The following NRXN1 variants were observed in gnomAD, a reference collection of about 807,000 sequenced individuals.
NRXN1 encodes neurexin 1.
A neutral mutation model predicts 150.9 loss-of-function variants in NRXN1; 39 were observed. The ratio of observed to expected loss-of-function variants is 0.26; its 90% CI spans 0.20 to 0.34. The LOEUF is 0.34. NRXN1 is among the 10% of genes least tolerant of loss of function. NRXN1 has a pLI of 1.00. For synonymous variants in NRXN1, 924 were observed against 757.0 expected (o/e 1.22, Z -3.62); for missense variants, 1,815 against 1,949.9 (o/e 0.93, Z 1.30).
At chr2:50,901,812 T>C (rs1188317351) in intron 5 of NRXN1, among the ~76,000 whole-genome samples, 6 of 152,358 alleles carry the variant, frequency 3.9e-5, no homozygotes, top group Admixed American at 2.6e-4. Context: ...ATGTGAATTA[T>C]AGCAATAATG....
intron 5 of NRXN1, among the ~76,000 whole-genome samples, chr2:50,903,938 A>T (rs1340230132): frequency 6.6e-6 from 1 of 152,180 alleles, no homozygotes; most frequent in African/African-American, 2.4e-5. Context: ...GTTATCAAAT[A>T]TTTTAAAATA....
chr2:50,478,223 G>C (rs777704635), intron 15 of NRXN1, among the ~76,000 whole-genome samples: 1 of 152,094 alleles, frequency 6.6e-6, no homozygotes, highest in Non-Finnish European at 1.5e-5. Flanking sequence ...TGCTTTCTTA[G>C]TAGAAAGCCT....
At chr2:50,678,666 G>A (rs569612142) in intron 5 of NRXN1, among the ~76,000 whole-genome samples, 1 of 151,950 alleles carries the variant, frequency 6.6e-6, no homozygotes, top group Non-Finnish European at 1.5e-5. Flanking sequence ...TGATCATGTC[G>A]CCAAACTGAG....
chr2:50,792,236 A>C (rs1706150685), intron 5 of NRXN1, among the ~76,000 whole-genome samples: 1 of 152,138 alleles, frequency 6.6e-6, no homozygotes, highest in Non-Finnish European at 1.5e-5. Flanking sequence ...TTACAAAGTA[A>C]AGACATTGAA....
At chr2:50,030,233 A>C (rs1688994552) in intron 21 of NRXN1, among the ~76,000 whole-genome samples, 1 of 152,082 alleles carries the variant, frequency 6.6e-6, no homozygotes, top group Admixed American at 6.6e-5. Flanking sequence ...ACTTTAGAAA[A>C]CTTGCAATTA....
chr2:50,475,406 G>A (rs1433099660), intron 15 of NRXN1, among the ~76,000 whole-genome samples: 2 of 102,946 alleles, frequency 1.9e-5, no homozygotes, highest in Non-Finnish European at 4.5e-5. Flanking sequence ...AAAAAAAGAG[G>A]AAACAGTAAG....
chr2:50,060,602 T>C (rs983417792), intron 19 of NRXN1, among the ~76,000 whole-genome samples: 3 of 152,116 alleles, frequency 2.0e-5, no homozygotes, highest in African/African-American at 7.2e-5. Flanking sequence ...CCAAATCTCA[T>C]CTTGAATTCT....
At chr2:50,897,871 G>A (rs1239659460) in intron 5 of NRXN1, among the ~76,000 whole-genome samples, 2 of 152,138 alleles carry the variant, frequency 1.3e-5, no homozygotes, top group African/African-American at 4.8e-5. Flanking sequence ...TCATCAAAGT[G>A]TGCACTTTAA....
chr2:50,709,208 C>G (rs1694825207), intron 5 of NRXN1, among the ~76,000 whole-genome samples: 1 of 152,128 alleles, frequency 6.6e-6, no homozygotes, highest in African/African-American at 2.4e-5. Flanking sequence ...GATATTTGCA[C>G]ACATTTATTC....
chr2:50,706,027 T>A (rs1486523232), intron 5 of NRXN1, among the ~76,000 whole-genome samples: 1 of 152,160 alleles, frequency 6.6e-6, no homozygotes, highest in African/African-American at 2.4e-5. Flanking sequence ...AGTAGAACAG[T>A]GATTCACAAA....
intron 18 of NRXN1, 50 bp from the exon 19 acceptor site, chr2:50,091,544 A>G (rs1305148302): frequency 6.4e-7 from 1 of 1,574,684 alleles, no homozygotes; most frequent in African/African-American, 1.3e-5. Flanking sequence ...ACTAGTCACC[A>G]TTTAATAAAG....
At chr2:50,522,133 T>C (rs532106066) in intron 12 of NRXN1, among the ~76,000 whole-genome samples, 1 of 152,242 alleles carries the variant, frequency 6.6e-6, no homozygotes, top group South Asian at 2.1e-4. Context: ...AAGTGGGGTA[T>C]GTTTAGAAGC....
chr2:50,138,996 G>C (rs1218984427), intron 18 of NRXN1, among the ~76,000 whole-genome samples: 1 of 152,188 alleles, frequency 6.6e-6, no homozygotes, highest in African/African-American at 2.4e-5. Flanking sequence ...TTTTGTAAAT[G>C]TGTAATATTT....
At chr2:50,201,487 C>T (rs987877092) in intron 18 of NRXN1, among the ~76,000 whole-genome samples, 2 of 152,168 alleles carry the variant, frequency 1.3e-5, no homozygotes, top group East Asian at 1.9e-4. Flanking sequence ...TTTAAATCTA[C>T]GTAACATGAG....
At chr2:50,902,041 T>G (rs564914993) in intron 5 of NRXN1, among the ~76,000 whole-genome samples, 2 of 152,260 alleles carry the variant, frequency 1.3e-5, no homozygotes, top group South Asian at 4.1e-4. Flanking sequence ...CAAAGCAAAG[T>G]TAGAGCCATT....
intron 17 of NRXN1, among the ~76,000 whole-genome samples, chr2:50,459,714 C>G (rs1332528906): frequency 6.6e-6 from 1 of 152,066 alleles, no homozygotes; most frequent in Non-Finnish European, 1.5e-5. Flanking sequence ...ATCTGTCATA[C>G]TAAGCCATTT....
At chr2:50,440,977 C>T (rs1216419712) in intron 17 of NRXN1, among the ~76,000 whole-genome samples, 1 of 152,156 alleles carries the variant, frequency 6.6e-6, no homozygotes, top group African/African-American at 2.4e-5. Flanking sequence ...CATAGATACT[C>T]TCTGTAGCTT....
intron 17 of NRXN1, among the ~76,000 whole-genome samples, chr2:50,424,596 T>C (rs990276211): frequency 2.0e-5 from 3 of 152,136 alleles, no homozygotes; most frequent in Non-Finnish European, 4.4e-5. Context: ...TCTGAAAATC[T>C]GTGATACTAA....
intron 16 of NRXN1, among the ~76,000 whole-genome samples, chr2:50,469,398 A>G (rs1342745672): frequency 6.6e-6 from 1 of 151,810 alleles, no homozygotes; most frequent in Middle Eastern, 3.4e-3. Flanking sequence ...TGTATGCAAG[A>G]GGCTTAGAGG....
Sources: gnomAD v4.1 joint callset for allele counts (sites outside exome capture counted in the v4.1 genomes callset) on GRCh38, gnomAD v4.1.1 for gene constraint, MANE v1.5 for transcripts, NCBI Gene and HGNC (gene_info 2026-07-23, HGNC 2026-07-21) for gene names.